The following OCA2 variants were observed in gnomAD, a reference collection of about 807,000 sequenced individuals.
The protein encoded by OCA2 is OCA2 melanosomal transmembrane protein, also known as P protein.
In OCA2, 77 loss-of-function variants were observed where a neutral mutation model predicts 100.2. The observed-to-expected ratio is 0.77, with a 90% CI of 0.64 to 0.93. The LOEUF is 0.93. Ranked by LOEUF, OCA2 falls within the 40% of genes least tolerant of loss-of-function variation. The pLI is 0.00. For synonymous variants in OCA2, 432 were observed against 439.2 expected (o/e 0.98, Z 0.21); for missense variants, 1,062 against 1,089.1 (o/e 0.98, Z 0.35).
intron 19 of OCA2, chr15:27,895,806 G>T: frequency 2.3e-6 from 1 of 442,534 alleles, no homozygotes; most frequent in Non-Finnish European, 4.2e-6. Flanking sequence ...GCTTGGAAAT[G>T]CTTGGTGATA....
chr15:28,099,284 G>A lies in OCA2; in HGVS notation c.-82C>T, dbSNP rs1016824572. 6.6e-6 allele frequency: 1 copy of A among 152,312 alleles called. No individual in the cohort carries two copies. The highest frequency in any genetic ancestry group is 1.5e-5 in the Non-Finnish European group (1 of 68,104). 9.4% of individuals were successfully genotyped at this position (152,312 alleles called of 1,614,324 possible). A position where few individuals can be genotyped will look rare whatever the true frequency, so the allele number is the denominator to read the frequency against. ...TAAGGTCCGCACCTCCGCTCTGGAT[G>A]GTGAGCGGAGCACAGCCTTCGAAGT... On this transcript the variant is annotated 5_prime_UTR_variant, in exon 1 of 24. Coordinates refer to ENST00000354638, the MANE Select transcript of OCA2 (RefSeq NM_000275.3).
intron 23 of OCA2, among the ~76,000 whole-genome samples, chr15:27,773,738 T>C (rs1003698366): frequency 4.1e-4 from 62 of 152,354 alleles, no homozygotes; most frequent in African/African-American, 1.4e-3. Context: ...GTAACTTTAG[T>C]AGACATGTGA....
intron 18 of OCA2, among the ~76,000 whole-genome samples, chr15:27,931,066 A>G (rs1474142256): frequency 6.6e-6 from 1 of 152,200 alleles, no homozygotes; most frequent in Non-Finnish European, 1.5e-5. Flanking sequence ...TTCAAGAGTT[A>G]GAGACTACAG....
chr15:28,029,938 C>T (rs1454678091), intron 3 of OCA2, among the ~76,000 whole-genome samples: 3 of 152,196 alleles, frequency 2.0e-5, no homozygotes, highest in Non-Finnish European at 4.4e-5. Flanking sequence ...ACATGAGGCC[C>T]AGCTCGGCCT....
chr15:27,840,031 C>A (rs528001165), intron 23 of OCA2, among the ~76,000 whole-genome samples: 1,769 of 152,050 alleles, frequency 0.012, 20 homozygotes, highest in Admixed American at 0.022. Flanking sequence ...GAAATAATGA[C>A]AATGGAAGCA....
In OCA2 at chr15:27,989,629, A is replaced by G; in HGVS notation, c.1154T>C (p.Phe385Ser). 6.2e-7 allele frequency: 1 copy of G among 1,614,188 alleles called. No individual in the cohort carries two copies. Among genetic ancestry groups the G allele is most frequent in the Non-Finnish European group, 8.5e-7 (1 of 1,180,040 alleles). ...GCCAAACAGCAGGGCCAGCGTCTCA[A>G]AATCAATCCACTCCACCACATGGGT... Reference protein sequence around the residue: ...SLTHVVEWIDFETLALLFGMM... With the variant: ...SLTHVVEWIDSETLALLFGMM... The change falls in exon 11 of 24, where the codon TTT becomes TCT. Residue 385 changes from phenylalanine to serine, a missense_variant. Phe to Ser is a radical substitution (Grantham distance 155). Coordinates refer to ENST00000354638, the MANE Select transcript of OCA2 (RefSeq NM_000275.3).
chr15:27,820,435 C>T (rs2034462491), intron 23 of OCA2, among the ~76,000 whole-genome samples: 1 of 152,198 alleles, frequency 6.6e-6, no homozygotes, highest in African/African-American at 2.4e-5. Context: ...CATTCTCCCC[C>T]AGATCCACAA....
chr15:27,990,550 C>T, intron 10 of OCA2, 26 bp downstream of exon 10: 1 of 1,611,408 alleles, frequency 6.2e-7, no homozygotes, highest in Non-Finnish European at 8.5e-7. Flanking sequence ...AGTGGTAAGC[C>T]AGGGATTGGG....
the OCA2 span, among the ~76,000 whole-genome samples, chr15:27,749,299 G>C: frequency 6.6e-6 from 1 of 152,158 alleles, no homozygotes; most frequent in Non-Finnish European, 1.5e-5. Context: ...TGGGCACAAG[G>C]AAGTAACAGA....
chr15:27,882,876 G>A (rs2037077263), intron 19 of OCA2, among the ~76,000 whole-genome samples: 1 of 152,124 alleles, frequency 6.6e-6, no homozygotes, highest in Non-Finnish European at 1.5e-5. Context: ...TCTAAGCCTT[G>A]CCATCTTGCT....
intron 23 of OCA2, among the ~76,000 whole-genome samples, chr15:27,832,162 T>G (rs4778191): frequency 1.4e-4 from 21 of 152,066 alleles, no homozygotes; most frequent in Admixed American, 4.6e-4. Flanking sequence ...GCACCTGATG[T>G]GCCTTTGAGT....
At chr15:27,917,939 C>T (rs2038724702) in intron 19 of OCA2, among the ~76,000 whole-genome samples, 3 of 152,114 alleles carry the variant, frequency 2.0e-5, no homozygotes, top group Non-Finnish European at 2.9e-5. Flanking sequence ...CTTAAGGTTA[C>T]ACCTCATGAA....
chr15:28,071,875 T>A (rs2044270198), intron 2 of OCA2, among the ~76,000 whole-genome samples: 1 of 152,220 alleles, frequency 6.6e-6, no homozygotes, highest in Non-Finnish European at 1.5e-5. Flanking sequence ...AATTTTTGAC[T>A]AAGTCCCCAA....
chr15:27,761,907 C>T (rs1051149655), intron 23 of OCA2, among the ~76,000 whole-genome samples: 1 of 152,194 alleles, frequency 6.6e-6, no homozygotes, highest in Non-Finnish European at 1.5e-5. Flanking sequence ...TCCCTACAGC[C>T]TTGACTTCCC....
chr15:27,739,440 CTTT>C, the OCA2 span, among the ~76,000 whole-genome samples: 39 of 100,044 alleles, frequency 3.9e-4, no homozygotes, highest in South Asian at 8.7e-4. Context: ...TAATTTCTTT[CTTT>C]TTTTTTTTTT....
At chr15:28,024,401 T>A (rs1168445420) in intron 5 of OCA2, among the ~76,000 whole-genome samples, 1 of 152,206 alleles carries the variant, frequency 6.6e-6, no homozygotes, top group Non-Finnish European at 1.5e-5. Flanking sequence ...GGGGCAAACC[T>A]CAGAGCTTCA....
At chr15:27,738,707 C>T in the OCA2 span, among the ~76,000 whole-genome samples, 3 of 129,878 alleles carry the variant, frequency 2.3e-5, no homozygotes, top group East Asian at 2.4e-4. Flanking sequence ...CGCACTCCAG[C>T]GAGACTCGGT....
chr15:27,970,173 C>T lies in OCA2; in HGVS notation c.1504-3351G>A, dbSNP rs535850126. ...GACACAGATCCCAGCAAGCTGAAAA[C>T]GGAGCAAGCCACGGAGGGGATGAGC... On this transcript the variant is annotated intron_variant, in intron 14 of 23. Transcript: ENST00000354638. 2.6e-4 allele frequency among the ~76,000 whole-genome samples: 39 copies of T among 151,920 alleles called. No individual in the cohort carries two copies. The South Asian group carries it at 6.9e-3, about 27-fold the overall frequency.
chr15:27,835,917 C>A (rs1218700380), intron 23 of OCA2, among the ~76,000 whole-genome samples: 1 of 152,120 alleles, frequency 6.6e-6, no homozygotes, highest in Non-Finnish European at 1.5e-5. Flanking sequence ...GGGTGGTCAC[C>A]CCGAATCAAA....
Sources: gnomAD v4.1 joint callset for allele counts (sites outside exome capture counted in the v4.1 genomes callset) on GRCh38, gnomAD v4.1.1 for gene constraint, MANE v1.5 for transcripts, NCBI Gene and HGNC (gene_info 2026-07-23, HGNC 2026-07-21) for gene names.